Variants in FANCA observed in about 807,000 individuals in gnomAD.
FANCA encodes the protein Fanconi anemia group A protein.
Under a neutral mutation model 194.3 loss-of-function variants are expected in FANCA, and 236 were observed. The observed-to-expected ratio is 1.21, with a 90% CI of 1.09 to 1.35. The LOEUF (loss-of-function observed/expected upper bound fraction) is 1.35, where lower values mean the gene tolerates loss of function less well. Among genes scored for constraint, FANCA ranks in the 40% most tolerant of loss-of-function variants. FANCA has a pLI of 0.00. For synonymous variants in FANCA, 1,014 were observed against 715.8 expected, an observed-to-expected ratio of 1.42 and a Z score of -6.65; for missense variants, 2,628 against 1,813.9, an observed-to-expected ratio of 1.45 and a Z score of -8.15.
rs1159719887 is a variant in FANCA, at chr16:89,765,081, G to A, written c.2602-15C>T. 1.2e-6 allele frequency: 2 copies of A among 1,613,700 alleles called. No homozygotes were observed. The highest frequency in any genetic ancestry group is 1.7e-5 in the Admixed American group (1 of 60,020). ...AGGAACTGAAACTGAAACAGAGAGT[G>A]ACCCGGCCGTTTCTTCATTGCGCAA... On this transcript the variant is annotated splice_polypyrimidine_tract_variant and intron_variant, in intron 27 of 42. Transcript: ENST00000389301.
In FANCA at chr16:89,774,377, G is replaced by A. The variant is rs185278771; in HGVS notation, c.1901-993C>T. Among the ~76,000 whole-genome samples the A allele has an allele frequency of 2.8e-3, 421 of 152,158 alleles. 1 individual carries two copies. The highest frequency in any genetic ancestry group is 9.8e-3 in the African/African-American group (406 of 41,528). On this transcript the variant is annotated intron_variant, in intron 21 of 42. Coordinates refer to ENST00000389301, the MANE Select transcript of FANCA (RefSeq NM_000135.4). The stretch of plus-strand genomic sequence containing the variant: ...TCAAGAGAAGCAAACGCCTCACACC[G>A]CAGGGTACACAGCCCTGAGGCCCCT...
intron 28 of FANCA, chr16:89,762,700 G>A (rs1414479330): frequency 1.1e-5 from 5 of 436,252 alleles, no homozygotes; most frequent in East Asian, 7.7e-5. Flanking sequence ...TGGTGCAATC[G>A]TAGCTCGCTG....
At position 89,805,207 on chromosome 16, in the gene FANCA, CTT is replaced by C. The variant is rs1248255763; in HGVS notation, c.709+71_709+72del. 17 of 1,197,826 alleles carry C rather than the reference CTT, an allele frequency of 1.4e-5. No homozygotes were observed. The East Asian group carries it at 2.4e-4, about 17-fold the overall frequency. 74.2% of individuals were successfully genotyped at this position (1,197,826 alleles called of 1,614,324 possible). A position where few individuals can be genotyped will look rare whatever the true frequency, so the allele number is the denominator to read the frequency against. Reference sequence around the variant, plus strand: ...ACAGGCTGTTCTGCCTCGCAGAGCTCTTGAGAGCAGAAGGCATTATCACAGAT... The same window carrying C: ...ACAGGCTGTTCTGCCTCGCAGAGCTCGAGAGCAGAAGGCATTATCACAGAT... On this transcript the variant is annotated intron_variant, in intron 7 of 42. Transcript: ENST00000389301.
chr16:89,782,795 G>C (rs2143458296), intron 17 of FANCA, 64 bp downstream of exon 17: 3 of 1,445,628 alleles, frequency 2.1e-6, no homozygotes, highest in Non-Finnish European at 2.9e-6. Context: ...AGAGTCAAAA[G>C]AAACTGGACC....
At chr16:89,757,627 A>G (rs2038808944) in intron 30 of FANCA, among the ~76,000 whole-genome samples, 1 of 152,194 alleles carries the variant, frequency 6.6e-6, no homozygotes, top group Non-Finnish European at 1.5e-5. Context: ...TCTGTACTGA[A>G]TGCTGCAGCT....
At chr16:89,769,144 C>A (rs1305899544) in intron 26 of FANCA, among the ~76,000 whole-genome samples, 27 of 152,226 alleles carry the variant, frequency 1.8e-4, no homozygotes, top group Admixed American at 1.1e-3. Context: ...CAGATCTCCC[C>A]TTTCCCGCAC....
chr16:89,786,015 A>ATTTT (rs67279101), intron 14 of FANCA, among the ~76,000 whole-genome samples: 1,323 of 104,056 alleles, frequency 0.013, 55 homozygotes, highest in South Asian at 0.082. Flanking sequence ...ACTCCCAGCT[A>ATTTT]TTTTTTTTTT....
Position 89,738,618 on chromosome 16 carries a change from C to T in FANCA, c.4351G>A (p.Glu1451Lys). 6.2e-7 allele frequency: 1 copy of T among 1,613,496 alleles called. No homozygotes were observed. The highest frequency in any genetic ancestry group is 8.5e-7 in the Non-Finnish European group (1 of 1,180,014). Residue 1451 changes from glutamate (E) to lysine (K), a missense_variant, in exon 43 of 43, where the codon GAG becomes AAG. Physicochemically the swap from Glu to Lys is moderately conservative, Grantham distance 56 (BLOSUM62 1). Coordinates refer to ENST00000389301, the MANE Select transcript of FANCA (RefSeq NM_000135.4). ...QAAPDADLSQ[E>K]PHLF ...AGGTCCCGTCAGAAGAGATGAGGCT[C>T]CTGGGACAGGTCAGCGTCAGGGGCA...
chr16:89,792,386 A>T, intron 12 of FANCA, 85 bp downstream of exon 12: 1 of 1,400,620 alleles, frequency 7.1e-7, no homozygotes, highest in Non-Finnish European at 1.0e-6. Flanking sequence ...TGTGCCGTCC[A>T]CGGCAGGCAG....
At chr16:89,793,070 C>T (rs1043050191) in intron 11 of FANCA, among the ~76,000 whole-genome samples, 1 of 152,150 alleles carries the variant, frequency 6.6e-6, no homozygotes, top group Admixed American at 6.5e-5. Flanking sequence ...CACAGGGAGA[C>T]GGTTAGGCCT....
intron 20 of FANCA, among the ~76,000 whole-genome samples, chr16:89,777,971 G>A (rs1379867214): frequency 6.6e-6 from 1 of 152,054 alleles, no homozygotes. Flanking sequence ...AGACCAGCCT[G>A]ACTAACATGG....
At chr16:89,755,935 A>G (rs1333690750) in intron 30 of FANCA, among the ~76,000 whole-genome samples, 1 of 151,134 alleles carries the variant, frequency 6.6e-6, no homozygotes, top group Admixed American at 6.6e-5. Flanking sequence ...GAAACAGACC[A>G]GAGCCCCCGC....
chr16:89,809,328 T>C (rs77050845), intron 5 of FANCA, among the ~76,000 whole-genome samples: 6,984 of 152,272 alleles, frequency 0.046, 579 homozygotes, highest in African/African-American at 0.16. Context: ...CTTGTGGATT[T>C]AGTGGCTTGT....
At chr16:89,745,427 A>G (rs79872515) in intron 35 of FANCA, among the ~76,000 whole-genome samples, 7,580 of 127,476 alleles carry the variant, frequency 0.059, 332 homozygotes, top group African/African-American at 0.12. Context: ...AGCTGGGAAC[A>G]AAACAGTGAA....
At chr16:89,790,728 A>G (rs997463200) in intron 14 of FANCA, among the ~76,000 whole-genome samples, 2 of 151,724 alleles carry the variant, frequency 1.3e-5, no homozygotes, top group African/African-American at 4.8e-5. Context: ...CGACAGAGGA[A>G]GACTCCATCT....
At chr16:89,755,185 A>G (rs1400535084) in intron 30 of FANCA, among the ~76,000 whole-genome samples, 2 of 152,130 alleles carry the variant, frequency 1.3e-5, no homozygotes, top group Non-Finnish European at 2.9e-5. Context: ...CAAGCAACAG[A>G]ATAAAGCTGG....
chr16:89,765,100 T>C, intron 27 of FANCA, 34 bp from the exon 28 acceptor site: 1 of 1,612,696 alleles, frequency 6.2e-7, no homozygotes, highest in Non-Finnish European at 8.5e-7. Context: ...GTTTCTTCAT[T>C]GCGCAAGTTT....
At position 89,746,757 on chromosome 16, in the gene FANCA, C is replaced by A. The variant is rs191254512; in HGVS notation, c.3409-69G>T. The A allele has an allele frequency of 6.1e-4, 970 of 1,597,652 alleles. 17 individuals are homozygous for A. In the Admixed American group the frequency reaches 0.016, roughly 26 times the overall value. On this transcript the variant is annotated intron_variant, in intron 34 of 42. Coordinates refer to ENST00000389301, the MANE Select transcript of FANCA (RefSeq NM_000135.4). ...CCACAACTAGTAGAGTGAAGGAACTCACAGGAAGCTGACAGGAGGATCCAC... is the reference window on the plus strand; with the variant it reads ...CCACAACTAGTAGAGTGAAGGAACTAACAGGAAGCTGACAGGAGGATCCAC...
At chr16:89,812,463 A>G (rs2040924233) in intron 3 of FANCA, among the ~76,000 whole-genome samples, 1 of 151,532 alleles carries the variant, frequency 6.6e-6, no homozygotes, top group South Asian at 2.1e-4. Context: ...CCTGACCAAC[A>G]TGGTGAAACC....
Sources: gnomAD v4.1 joint callset for allele counts (sites outside exome capture counted in the v4.1 genomes callset) on GRCh38, gnomAD v4.1.1 for gene constraint, MANE v1.5 for transcripts, NCBI Gene and HGNC (gene_info 2026-07-23, HGNC 2026-07-21) for gene names.